The following SND1 variants were observed in gnomAD, a reference collection of about 807,000 sequenced individuals.
SND1 encodes the protein staphylococcal nuclease and tudor domain containing 1, also known as staphylococcal nuclease domain-containing protein 1.
Under a neutral mutation model 121.7 loss-of-function variants are expected in SND1, and 38 were observed. The ratio of observed to expected loss-of-function variants is 0.31; its 90% CI spans 0.24 to 0.41. The LOEUF (loss-of-function observed/expected upper bound fraction) is 0.41. SND1 is among the 10% of genes least tolerant of loss of function. The pLI, the probability that SND1 is intolerant of heterozygous loss-of-function variation, is 1.00. For missense variants in SND1, 868 were observed against 1,184.6 expected (o/e 0.73, Z 3.92); for synonymous variants, 401 against 447.4 (o/e 0.90, Z 1.31).
At chr7:127,795,037 C>T (rs1395715668) in intron 10 of SND1, among the ~76,000 whole-genome samples, 1 of 152,228 alleles carries the variant, frequency 6.6e-6, no homozygotes, top group Non-Finnish European at 1.5e-5. Flanking sequence ...CTTTTAAACT[C>T]TGGCTTCTTA....
At chr7:127,707,813 T>TGTG (rs1796228407) in intron 9 of SND1, among the ~76,000 whole-genome samples, 166 bp downstream of exon 9, 13 of 91,702 alleles carry the variant, frequency 1.4e-4, no homozygotes, top group Admixed American at 4.2e-4. Context: ...GTGTGTGTGT[T>TGTG]TATTGTAGGG....
At chr7:128,055,186 G>A (rs1310782515) in intron 16 of SND1, among the ~76,000 whole-genome samples, 1 of 152,158 alleles carries the variant, frequency 6.6e-6, no homozygotes, top group Non-Finnish European at 1.5e-5. Context: ...CAGTCAGGGG[G>A]TTGGGAGGCA....
At chr7:128,080,313 T>C (rs1331430485) in intron 17 of SND1, among the ~76,000 whole-genome samples, 1 of 152,258 alleles carries the variant, frequency 6.6e-6, no homozygotes, top group African/African-American at 2.4e-5. Context: ...GGATTGGACT[T>C]GACACGCTGT....
At chr7:127,871,220 C>G (rs1023197412) in intron 12 of SND1, among the ~76,000 whole-genome samples, 7 of 152,104 alleles carry the variant, frequency 4.6e-5, no homozygotes, top group Non-Finnish European at 1.0e-4. Context: ...GGCTGTTTTA[C>G]AGTTAATTTC....
At chr7:127,942,216 G>A (rs1331681890) in intron 15 of SND1, among the ~76,000 whole-genome samples, 1 of 151,910 alleles carries the variant, frequency 6.6e-6, no homozygotes, top group Non-Finnish European at 1.5e-5. Context: ...CACTGCAAGG[G>A]GAAAAAAGGA....
At chr7:127,892,143 T>C (rs992647497) in intron 13 of SND1, among the ~76,000 whole-genome samples, 3 of 152,088 alleles carry the variant, frequency 2.0e-5, no homozygotes, top group Non-Finnish European at 4.4e-5. Flanking sequence ...ATTGTAAGCT[T>C]TGGGGAAAGG....
intron 10 of SND1, among the ~76,000 whole-genome samples, chr7:127,772,362 C>G (rs1797528046): frequency 6.6e-6 from 1 of 152,158 alleles, no homozygotes. Context: ...CTCACAAAAC[C>G]CTTACTGTAA....
chr7:127,923,581 C>T (rs755641405), intron 14 of SND1, among the ~76,000 whole-genome samples: 22 of 152,180 alleles, frequency 1.4e-4, no homozygotes, highest in African/African-American at 5.1e-4. Context: ...GTATAACTGG[C>T]TCTTCATCGA....
chr7:127,759,057 A>AATAGGTAGATAG (rs1797250061), intron 10 of SND1, among the ~76,000 whole-genome samples: 1 of 145,390 alleles, frequency 6.9e-6, no homozygotes, highest in African/African-American at 2.6e-5. Flanking sequence ...CTGTCTCAAA[A>AATAGGTAGATAG]ATAGATAGAT....
intron 10 of SND1, among the ~76,000 whole-genome samples, chr7:127,722,000 G>A (rs903795790): frequency 2.0e-5 from 3 of 152,074 alleles, no homozygotes; most frequent in African/African-American, 7.2e-5. Context: ...AACAAGAGCT[G>A]GTATTACATG....
chr7:127,875,879 C>T (rs1799679878), intron 12 of SND1, among the ~76,000 whole-genome samples: 1 of 152,082 alleles, frequency 6.6e-6, no homozygotes, highest in Admixed American at 6.6e-5. Flanking sequence ...CACAGAAACA[C>T]CATGTTTCTA....
chr7:127,914,108 G>T (rs1389800413), intron 14 of SND1, among the ~76,000 whole-genome samples: 1 of 152,148 alleles, frequency 6.6e-6, no homozygotes, highest in Non-Finnish European at 1.5e-5. Flanking sequence ...ATCGAATTTG[G>T]AAGGGGCCTG....
chr7:127,899,960 G>A (rs893055284), intron 13 of SND1, among the ~76,000 whole-genome samples: 1 of 152,304 alleles, frequency 6.6e-6, no homozygotes, highest in South Asian at 2.1e-4. Flanking sequence ...ATGAGGAGAC[G>A]TGTTCAGGGG....
chr7:127,665,401 A>G (rs1364547568), intron 1 of SND1, among the ~76,000 whole-genome samples: 9 of 152,028 alleles, frequency 5.9e-5, no homozygotes, highest in Non-Finnish European at 1.3e-4. Context: ...GTTAGCCAGG[A>G]TAGTGTCAAT....
At chr7:127,860,699 A>G (rs1470083094) in intron 12 of SND1, among the ~76,000 whole-genome samples, 1 of 152,252 alleles carries the variant, frequency 6.6e-6, no homozygotes, top group African/African-American at 2.4e-5. Flanking sequence ...CCCTCCTAGA[A>G]GGAATCCTTA....
intron 16 of SND1, among the ~76,000 whole-genome samples, chr7:128,046,482 G>A (rs1792950642): frequency 6.7e-6 from 1 of 150,242 alleles, no homozygotes; most frequent in Non-Finnish European, 1.5e-5. Flanking sequence ...TCCTCCCTCA[G>A]CCTCCTAAGT....
At chr7:128,084,441 AC>A (rs1430368799) in intron 18 of SND1, among the ~76,000 whole-genome samples, 1 of 152,166 alleles carries the variant, frequency 6.6e-6, no homozygotes, top group Non-Finnish European at 1.5e-5. Context: ...GGGCTCCCAC[AC>A]CCTGGGCCAG....
At position 128,074,497 on chromosome 7, in the gene SND1, C is replaced by A; in HGVS notation, c.1780-5C>A. On this transcript the variant is annotated splice_region_variant and splice_polypyrimidine_tract_variant and intron_variant, in intron 16 of 23. Coordinates refer to ENST00000354725, the MANE Select transcript of SND1 (RefSeq NM_014390.4). The stretch of plus-strand genomic sequence containing the variant: ...CACAGGCTTACGCCTGTCTCTCTGT[C>A]CCAGGTGGAGGTGGAGGTGGAGAGC... 1 of 1,608,514 alleles carries A rather than the reference C, an allele frequency of 6.2e-7. No individual in the cohort carries two copies. The highest frequency in any genetic ancestry group is 8.5e-7 in the Non-Finnish European group (1 of 1,176,340).
intron 13 of SND1, among the ~76,000 whole-genome samples, chr7:127,892,268 A>G (rs1310476791): frequency 1.3e-5 from 2 of 151,974 alleles, no homozygotes; most frequent in African/African-American, 4.8e-5. Context: ...TGATCTGCCA[A>G]CCTTTCTCAT....
Sources: allele counts gnomAD v4.1 joint callset (sites outside exome capture counted in the v4.1 genomes callset), GRCh38; gene constraint gnomAD v4.1.1; transcripts MANE v1.5; gene names NCBI Gene and HGNC (gene_info 2026-07-23, HGNC 2026-07-21).